The following DPPA3 variants were observed in gnomAD, a reference collection of about 807,000 sequenced individuals.
DPPA3 encodes the protein developmental pluripotency associated 3, also known as developmental pluripotency-associated protein 3.
DPPA3 carries 9 observed loss-of-function variants against 15.6 expected under a neutral mutation model. The observed-to-expected ratio is 0.58, with a 90% CI of 0.35 to 1.01. The LOEUF (loss-of-function observed/expected upper bound fraction) is 1.01. DPPA3 is among the 50% of genes least tolerant of loss of function. DPPA3 has a pLI of 0.02. For missense variants in DPPA3, 148 were observed against 194.6 expected (o/e 0.76, Z 1.42); for synonymous variants, 61 against 70.9 (o/e 0.86, Z 0.70).
intron 1 of DPPA3, among the ~76,000 whole-genome samples, chr12:7,713,513 C>T (rs1441382882): frequency 2.0e-5 from 3 of 152,162 alleles, no homozygotes; most frequent in Non-Finnish European, 4.4e-5. Flanking sequence ...AAACAAAACA[C>T]ACATACACGG....
intron 1 of DPPA3, among the ~76,000 whole-genome samples, chr12:7,714,143 T>C (rs1342450061): frequency 1.3e-5 from 2 of 152,038 alleles, no homozygotes; most frequent in Non-Finnish European, 2.9e-5. Flanking sequence ...GGCAGGAGAA[T>C]GGCGTGAACC....
chr12:7,712,915 T>C (rs746893344), intron 1 of DPPA3, among the ~76,000 whole-genome samples: 8 of 152,086 alleles, frequency 5.3e-5, no homozygotes, highest in Non-Finnish European at 8.8e-5. Flanking sequence ...AGCTAAATGT[T>C]AATAAACAGA....
At chr12:7,714,701 CTATTTT>C (rs1864379269) in intron 1 of DPPA3, among the ~76,000 whole-genome samples, 3 of 148,368 alleles carry the variant, frequency 2.0e-5, no homozygotes, top group Non-Finnish European at 4.5e-5. Flanking sequence ...AGTTTTATTT[CTATTTT>C]TATTTTTATT....
chr12:7,717,243 G>C lies in DPPA3; in HGVS notation c.*166G>C. ...ACTATGATACTAGTAATTCATAAGG[G>C]ATCTGTGTAATCTGAATGTATTTGA... On this transcript the variant is annotated 3_prime_UTR_variant, in exon 4 of 4. Transcript: ENST00000345088. 1.7e-6 allele frequency: 1 copy of C among 587,838 alleles called. No homozygotes were observed. Among genetic ancestry groups the C allele is most frequent in the Non-Finnish European group, 3.0e-6 (1 of 331,316 alleles). The allele number at this position is 587,838 out of a possible 1,614,324, so 36.4% of individuals were successfully genotyped here. A position where few individuals can be genotyped will look rare whatever the true frequency, so the allele number is the denominator to read the frequency against.
chr12:7,715,775 C>T (rs1864392530), intron 2 of DPPA3, among the ~76,000 whole-genome samples: 5 of 151,992 alleles, frequency 3.3e-5, no homozygotes, highest in African/African-American at 9.7e-5. Context: ...CCAGCCTGGG[C>T]AACAAGAACA....
At chr12:7,716,351 G>T in intron 3 of DPPA3, 112 bp downstream of exon 3, 1 of 833,170 alleles carries the variant, frequency 1.2e-6, no homozygotes, top group South Asian at 1.8e-5. Context: ...AATTTGCTTG[G>T]ACTTTCTGAA....
At chr12:7,713,016 T>C (rs1399258617) in intron 1 of DPPA3, among the ~76,000 whole-genome samples, 4 of 152,232 alleles carry the variant, frequency 2.6e-5, no homozygotes, top group Non-Finnish European at 5.9e-5. Context: ...GAGGGCGGCT[T>C]ATCTAGAAAC....
rs564926613 is a variant in DPPA3 at position 7,716,362 on chromosome 12, T to A, written c.369+123T>A. On this transcript the variant is annotated intron_variant, in intron 3 of 3. Coordinates refer to ENST00000345088, the MANE Select transcript of DPPA3 (RefSeq NM_199286.4). ...AGGGAATTTGCTTGGACTTTCTGAA[T>A]CCCCAGGGACTCTGGATAAGTCAGT... 3.9e-3 allele frequency: 2,826 copies of A among 722,628 alleles called. 51 individuals are homozygous for A. Among genetic ancestry groups the A allele is most frequent in the South Asian group, 0.028 (1,441 of 50,854 alleles). 44.8% of individuals were successfully genotyped at this position (722,628 alleles called of 1,614,324 possible). A position where few individuals can be genotyped will look rare whatever the true frequency, so the allele number is the denominator to read the frequency against.
chr12:7,715,224 A>T lies in DPPA3; in HGVS notation c.124A>T (p.Ser42Cys), dbSNP rs372874876. 6.2e-7 allele frequency: 1 copy of T among 1,613,778 alleles called. No individual in the cohort carries two copies. The highest frequency in any genetic ancestry group is 1.1e-5 in the South Asian group (1 of 91,034). Residue 42 changes from serine to cysteine, a missense_variant, in exon 2 of 4, where the codon AGT becomes TGT. Ser to Cys is a moderately radical substitution (Grantham distance 112). Coordinates refer to ENST00000345088, the MANE Select transcript of DPPA3 (RefSeq NM_199286.4). ...ISSETLIKNL[S>C]NLTINASSES... ...CTCCGAGACGTTGATAAAGAACCTTAGTAACTTGACTATCAACGCTAGTAG... is the reference window on the plus strand; with the variant it reads ...CTCCGAGACGTTGATAAAGAACCTTTGTAACTTGACTATCAACGCTAGTAG...
rs1398188813 is a variant in DPPA3 at position 7,711,528 on chromosome 12, T to C, written c.-43T>C. ...GGCTCTGTCATCAGTTTCTGCTACG[T>C]TTCAAAGATCCTGGAGAAGCCTAGT... On this transcript the variant is annotated 5_prime_UTR_variant, in exon 1 of 4. Transcript: ENST00000345088. The C allele has an allele frequency of 1.3e-6, 2 of 1,579,394 alleles. No homozygotes were observed. Among genetic ancestry groups the C allele is most frequent in the South Asian group, 2.3e-5 (2 of 86,578 alleles).
At chr12:7,712,346 A>G (rs980508227) in intron 1 of DPPA3, among the ~76,000 whole-genome samples, 3 of 152,008 alleles carry the variant, frequency 2.0e-5, no homozygotes, top group Admixed American at 6.6e-5. Context: ...AGGAACAAAT[A>G]CAGAGACCAA....
At chr12:7,716,566 A>G in intron 3 of DPPA3, among the ~76,000 whole-genome samples, 1 of 150,698 alleles carries the variant, frequency 6.6e-6, no homozygotes, top group East Asian at 1.9e-4. Flanking sequence ...CAGAGTTCAT[A>G]GTTTACACTA....
chr12:7,714,589 C>A (rs1424401926), intron 1 of DPPA3, among the ~76,000 whole-genome samples: 2 of 152,080 alleles, frequency 1.3e-5, no homozygotes, highest in Admixed American at 6.6e-5. Context: ...CCTGAGGTCA[C>A]TGCAAACCTC....
chr12:7,715,873 A>C (rs1864394111), intron 2 of DPPA3, among the ~76,000 whole-genome samples: 2 of 152,124 alleles, frequency 1.3e-5, no homozygotes. Flanking sequence ...CCTGAGCTCA[A>C]GGAGTTCCAG....
chr12:7,713,375 C>A (rs954519307), intron 1 of DPPA3, among the ~76,000 whole-genome samples: 1 of 152,208 alleles, frequency 6.6e-6, no homozygotes, highest in South Asian at 2.1e-4. Flanking sequence ...CCTTTCCTTG[C>A]GTCTGCCTTA....
chr12:7,716,441 T>TTTTA (rs1864400270), intron 3 of DPPA3, among the ~76,000 whole-genome samples: 1 of 152,016 alleles, frequency 6.6e-6, no homozygotes, highest in South Asian at 2.1e-4. Flanking sequence ...TTCAGAGAAG[T>TTTTA]TTTATGTTCA....
rs750091662 is a variant in DPPA3 at position 7,715,375 on chromosome 12, A to G, written c.275A>G (p.Gln92Arg). ...RRGVRTLLSVQREKMARLRYM... is the reference protein window; with the variant it reads ...RRGVRTLLSVRREKMARLRYM... ...GGAGTAAGAACATTGCTGTCTGTGCAGAGAGAAAAGATGGCAAGATTGAGA... is the reference window on the plus strand; with the variant it reads ...GGAGTAAGAACATTGCTGTCTGTGCGGAGAGAAAAGATGGCAAGATTGAGA... The change falls in exon 2 of 4, where the codon CAG (glutamine) becomes CGG (arginine). Residue 92 changes from glutamine to arginine, a missense_variant. By Grantham distance (43) the Gln-to-Arg change is conservative. Transcript: ENST00000345088. 1.5e-5 allele frequency: 24 copies of G among 1,614,104 alleles called. No homozygotes were observed. The highest frequency in any genetic ancestry group is 1.9e-5 in the Non-Finnish European group (22 of 1,180,030).
At chr12:7,711,725 T>C in intron 1 of DPPA3, 73 bp downstream of exon 1, 3 of 308,450 alleles carry the variant, frequency 9.7e-6, no homozygotes, top group South Asian at 8.4e-5. Context: ...GCCGTCTTTT[T>C]TTTTTTTTTT....
intron 1 of DPPA3, 66 bp downstream of exon 1, chr12:7,711,718 GTCTTTTTTTTTTTT>G (rs1864345954): frequency 3.6e-6 from 2 of 559,730 alleles, no homozygotes; most frequent in African/African-American, 3.0e-5. Context: ...AAAGGCTGCC[GTCTTTTTTTTTTTT>G]TTTTTTTTTT....
Sources: allele counts gnomAD v4.1 joint callset (sites outside exome capture counted in the v4.1 genomes callset), GRCh38; gene constraint gnomAD v4.1.1; transcripts MANE v1.5; gene names NCBI Gene and HGNC (gene_info 2026-07-23, HGNC 2026-07-21).